The following ABCC5 variants were observed in gnomAD, a reference collection of about 807,000 sequenced individuals.
ABCC5 encodes ATP-binding cassette sub-family C member 5.
ABCC5 carries 61 observed loss-of-function variants against 160.9 expected under a neutral mutation model. That is an observed-to-expected ratio of 0.38 (90% confidence interval 0.31 to 0.47). The LOEUF (loss-of-function observed/expected upper bound fraction) is 0.47, where lower values mean the gene tolerates loss of function less well. ABCC5 is among the 20% of genes least tolerant of loss of function. ABCC5 has a pLI of 0.99. For missense variants in ABCC5, 1,308 were observed against 1,813.3 expected, an observed-to-expected ratio of 0.72 and a Z score of 5.06; for synonymous variants, 666 against 700.6, an observed-to-expected ratio of 0.95 and a Z score of 0.78.
At chr3:183,942,399 C>A (rs1181877570) in intron 25 of ABCC5, 2 of 501,420 alleles carry the variant, frequency 4.0e-6, no homozygotes, top group Admixed American at 2.3e-5. Context: ...TGTAAACCTA[C>A]ATATTACTAG....
intron 18 of ABCC5, 63 bp downstream of exon 18, chr3:183,953,023 G>A (rs1715529792): frequency 1.3e-6 from 2 of 1,483,506 alleles, no homozygotes; most frequent in African/African-American, 1.4e-5. Flanking sequence ...AGAATAGCCA[G>A]GGAATAGGGA....
At chr3:183,931,068 C>T (rs893616865) in intron 26 of ABCC5, among the ~76,000 whole-genome samples, 1 of 152,104 alleles carries the variant, frequency 6.6e-6, no homozygotes, top group African/African-American at 2.4e-5. Context: ...ATAAATTAGG[C>T]ACAGTAAGAG....
At chr3:183,996,702 C>G (rs148492983) in intron 2 of ABCC5, among the ~76,000 whole-genome samples, 96 of 152,210 alleles carry the variant, frequency 6.3e-4, no homozygotes, top group South Asian at 1.7e-3. Context: ...CTAACAAACC[C>G]CCATAAAAGT....
chr3:183,975,642 C>CAT (rs1250888613), intron 10 of ABCC5, among the ~76,000 whole-genome samples: 1 of 151,866 alleles, frequency 6.6e-6, no homozygotes, highest in Non-Finnish European at 1.5e-5. Flanking sequence ...CAAGGCTGGC[C>CAT]ATAAATACTT....
At chr3:183,983,090 G>C (rs1718892009) in intron 5 of ABCC5, 83 bp from the exon 6 acceptor site, 1 of 1,315,638 alleles carries the variant, frequency 7.6e-7, no homozygotes, top group Non-Finnish European at 1.1e-6. Context: ...GTTAGAAAGA[G>C]TAGGCAGCTC....
intron 14 of ABCC5, among the ~76,000 whole-genome samples, chr3:183,964,496 G>C (rs972546219): frequency 3.3e-5 from 5 of 152,224 alleles, no homozygotes; most frequent in Admixed American, 2.0e-4. Context: ...TAGAGTTTCT[G>C]ATTCAGTAGG....
At chr3:183,926,319 A>G (rs1484914207) in intron 28 of ABCC5, among the ~76,000 whole-genome samples, 2 of 151,538 alleles carry the variant, frequency 1.3e-5, no homozygotes, top group African/African-American at 4.8e-5. Context: ...TGAGAGGCCG[A>G]GGCAGGCGGA....
At chr3:183,952,615 T>C (rs944620413) in intron 18 of ABCC5, among the ~76,000 whole-genome samples, 1 of 152,198 alleles carries the variant, frequency 6.6e-6, no homozygotes, top group Admixed American at 6.5e-5. Flanking sequence ...TCTCATGAGA[T>C]CTGACAGTTT....
In ABCC5 at chr3:183,949,951, A is replaced by G; in HGVS notation, c.3098+21T>C. 6.2e-7 allele frequency: 1 copy of G among 1,614,140 alleles called. No individual in the cohort carries two copies. Among genetic ancestry groups the G allele is most frequent in the South Asian group, 1.1e-5 (1 of 91,074 alleles). On this transcript the variant is annotated intron_variant, in intron 21 of 29. Coordinates refer to ENST00000334444, the MANE Select transcript of ABCC5 (RefSeq NM_005688.4). The surrounding 1 kb of genome is among the most constrained non-coding windows in gnomAD (Gnocchi z 4.2). ...TGAGGCTTCTCCGTGGCCCCAGCAG[A>G]CATGAACGCTTCCTATTTACCTGGA...
At chr3:183,942,329 C>A (rs548400178) in intron 25 of ABCC5, 3 of 454,812 alleles carry the variant, frequency 6.6e-6, no homozygotes, top group Non-Finnish European at 1.3e-5. Context: ...CCACTGCGCC[C>A]AGCCTACTGA....
intron 29 of ABCC5, among the ~76,000 whole-genome samples, chr3:183,924,207 A>G (rs933459107): frequency 2.6e-5 from 4 of 151,646 alleles, no homozygotes; most frequent in Non-Finnish European, 5.9e-5. Flanking sequence ...TTTGGTAGAG[A>G]CGGCGTTTCG....
intron 11 of ABCC5, among the ~76,000 whole-genome samples, chr3:183,969,450 T>C (rs1291028734): frequency 6.6e-6 from 1 of 152,154 alleles, no homozygotes; most frequent in Admixed American, 6.5e-5. Context: ...CCCCACACTT[T>C]GAAAGGCCAG....
chr3:183,989,790 T>G (rs1719580174), intron 2 of ABCC5, among the ~76,000 whole-genome samples: 1 of 152,162 alleles, frequency 6.6e-6, no homozygotes, highest in Middle Eastern at 3.4e-3. Context: ...TAGGTTACAT[T>G]AGGGTCCGCT....
intron 17 of ABCC5, among the ~76,000 whole-genome samples, chr3:183,956,700 G>C (rs1360336809): frequency 1.4e-5 from 1 of 72,794 alleles, no homozygotes; most frequent in Non-Finnish European, 2.5e-5. Context: ...AGATCCGTGT[G>C]TATATCATAT....
chr3:183,977,905 A>G (rs1334114406), intron 9 of ABCC5, among the ~76,000 whole-genome samples: 1 of 152,078 alleles, frequency 6.6e-6, no homozygotes, highest in African/African-American at 2.4e-5. Context: ...GGCATGCACC[A>G]CTATGCCCAG....
intron 12 of ABCC5, among the ~76,000 whole-genome samples, chr3:183,966,711 G>A (rs1717250892): frequency 6.6e-6 from 1 of 152,044 alleles, no homozygotes; most frequent in Non-Finnish European, 1.5e-5. Flanking sequence ...CCAGCCACTG[G>A]AGAGTGTCAT....
intron 12 of ABCC5, among the ~76,000 whole-genome samples, chr3:183,965,975 A>G (rs1472221368): frequency 1.3e-5 from 2 of 152,122 alleles, no homozygotes; most frequent in Non-Finnish European, 2.9e-5. Context: ...ATCACCTAGT[A>G]TTTATAATAT....
intron 2 of ABCC5, among the ~76,000 whole-genome samples, chr3:183,996,320 G>T (rs1720281687): frequency 6.6e-6 from 1 of 152,172 alleles, no homozygotes; most frequent in Non-Finnish European, 1.5e-5. Context: ...AAAAATGCCA[G>T]TTCCTATGTG....
In ABCC5 at chr3:183,973,758, CA is replaced by C. The variant is rs1717977135; in HGVS notation, c.1405-1840del. ...GAAATGGCTGCTGCTTTCATTTGTTCAAAGCCTTCCTGAGAGATTGAACTAA... is the reference window on the plus strand; with the variant it reads ...GAAATGGCTGCTGCTTTCATTTGTTCAAGCCTTCCTGAGAGATTGAACTAA... On this transcript the variant is annotated intron_variant, in intron 10 of 29. Transcript: ENST00000334444. Among the ~76,000 whole-genome samples the C allele has an allele frequency of 3.9e-5, 6 of 152,316 alleles. No individual in the cohort carries two copies. The South Asian group carries it at 1.2e-3, about 32-fold the overall frequency.
Sources: gnomAD v4.1 joint callset for allele counts (sites outside exome capture counted in the v4.1 genomes callset) on GRCh38, gnomAD v4.1.1 for gene constraint, Gnocchi (gnomAD v3.1) non-coding constraint, MANE v1.5 for transcripts, NCBI Gene and HGNC (gene_info 2026-07-23, HGNC 2026-07-21) for gene names.